The following CAMK1D variants were observed in gnomAD, a reference collection of about 807,000 sequenced individuals.
The protein encoded by CAMK1D is calcium/calmodulin-dependent protein kinase type 1D.
Under a neutral mutation model 47.7 loss-of-function variants are expected in CAMK1D, and 9 were observed. The ratio of observed to expected loss-of-function variants is 0.19; its 90% CI spans 0.11 to 0.33. CAMK1D has a LOEUF of 0.33. CAMK1D is among the 10% of genes least tolerant of loss of function. The probability of loss-of-function intolerance (pLI) is 1.00; values close to 1 mark genes in which losing one functional copy is unlikely to be tolerated. For missense variants in CAMK1D, 291 were observed against 488.7 expected, an observed-to-expected ratio of 0.60 and a Z score of 3.81; for synonymous variants, 184 against 184.9, an observed-to-expected ratio of 0.99 and a Z score of 0.04.
Position 12,812,351 on chromosome 10 carries a change from C to A in CAMK1D, c.642-1844C>A, listed in dbSNP as rs556851348. Among the ~76,000 whole-genome samples, 119 of 152,340 alleles carry A rather than the reference C, an allele frequency of 7.8e-4. 2 individuals carry two copies. Among genetic ancestry groups the A allele is most frequent in the African/African-American group, 2.9e-3 (119 of 41,580 alleles). ...CCACCATGGGCCGGGCTCAGTGGCT[C>A]ACACCTGTAATCCCAGCACTTTGGG... On this transcript the variant is annotated intron_variant, in intron 6 of 10. Coordinates refer to ENST00000619168, the MANE Select transcript of CAMK1D (RefSeq NM_153498.4).
intron 2 of CAMK1D, among the ~76,000 whole-genome samples, chr10:12,582,629 A>C (rs568795985): frequency 1.3e-5 from 2 of 152,010 alleles, no homozygotes; most frequent in African/African-American, 4.8e-5. Flanking sequence ...ATTTTTTTGC[A>C]GCTATTATAA....
At chr10:12,369,506 G>C (rs1393268692) in intron 1 of CAMK1D, among the ~76,000 whole-genome samples, 1 of 152,146 alleles carries the variant, frequency 6.6e-6, no homozygotes, top group Admixed American at 6.6e-5. Context: ...ATCGGGATGG[G>C]GGCTCAGGGA....
chr10:12,499,861 A>G (rs1040303511), intron 1 of CAMK1D, among the ~76,000 whole-genome samples: 1 of 152,166 alleles, frequency 6.6e-6, no homozygotes, highest in Non-Finnish European at 1.5e-5. Context: ...GCCATGGTCT[A>G]TTCAAGGAGA....
At chr10:12,566,334 A>G (rs1173723275) in intron 2 of CAMK1D, among the ~76,000 whole-genome samples, 2 of 152,078 alleles carry the variant, frequency 1.3e-5, no homozygotes, top group East Asian at 3.9e-4. Flanking sequence ...GAAATAGGAG[A>G]CAGAGGCAGC....
intron 10 of CAMK1D, among the ~76,000 whole-genome samples, chr10:12,826,781 C>T (rs1238399955): frequency 2.6e-5 from 4 of 152,242 alleles, no homozygotes; most frequent in African/African-American, 4.8e-5. Context: ...CCTGACATAC[C>T]ATAGCTCCCC....
At chr10:12,635,934 C>T (rs1409218733) in intron 2 of CAMK1D, among the ~76,000 whole-genome samples, 2 of 152,166 alleles carry the variant, frequency 1.3e-5, no homozygotes, top group African/African-American at 4.8e-5. Context: ...AGAAAACTAT[C>T]CTATTTAAAG....
At chr10:12,723,260 C>T (rs987167858) in intron 3 of CAMK1D, among the ~76,000 whole-genome samples, 8 of 152,046 alleles carry the variant, frequency 5.3e-5, no homozygotes, top group African/African-American at 9.7e-5. Flanking sequence ...ACGGTCTGAA[C>T]GGGAGAATTG....
chr10:12,805,299 G>C (rs1305171648), intron 6 of CAMK1D, among the ~76,000 whole-genome samples: 1 of 151,082 alleles, frequency 6.6e-6, no homozygotes, highest in Non-Finnish European at 1.5e-5. Flanking sequence ...TGTCCTTCAG[G>C]GACTTATTAC....
At chr10:12,600,815 C>G (rs967270937) in intron 2 of CAMK1D, among the ~76,000 whole-genome samples, 6 of 152,208 alleles carry the variant, frequency 3.9e-5, no homozygotes, top group South Asian at 2.1e-4. Context: ...GTGTGTTACT[C>G]CATTCTGTAT....
chr10:12,529,167 C>T (rs1347764008), intron 1 of CAMK1D, among the ~76,000 whole-genome samples: 2 of 152,046 alleles, frequency 1.3e-5, no homozygotes, highest in African/African-American at 4.8e-5. Flanking sequence ...GTCATAGCTG[C>T]ATTTGTAAGG....
intron 2 of CAMK1D, among the ~76,000 whole-genome samples, chr10:12,583,039 A>T (rs1214694032): frequency 1.3e-5 from 2 of 152,216 alleles, no homozygotes; most frequent in African/African-American, 4.8e-5. Flanking sequence ...GGAGTTGAGG[A>T]CCAGCCTAGG....
intron 3 of CAMK1D, among the ~76,000 whole-genome samples, chr10:12,731,065 G>T (rs1354125988): frequency 1.3e-5 from 2 of 152,154 alleles, no homozygotes; most frequent in Non-Finnish European, 2.9e-5. Context: ...GGTTTGGTTT[G>T]GTTTGGTTCG....
At chr10:12,464,120 T>TG (rs1833520924) in intron 1 of CAMK1D, among the ~76,000 whole-genome samples, 1 of 152,176 alleles carries the variant, frequency 6.6e-6, no homozygotes, top group Non-Finnish European at 1.5e-5. Context: ...CCTGCTTAGA[T>TG]GGGGTCTGAA....
At chr10:12,456,213 T>G (rs1392239051) in intron 1 of CAMK1D, among the ~76,000 whole-genome samples, 2 of 152,256 alleles carry the variant, frequency 1.3e-5, no homozygotes, top group African/African-American at 4.8e-5. Context: ...AAAATATTCA[T>G]TTATGTTTGA....
chr10:12,363,103 G>A (rs1331183488), intron 1 of CAMK1D, among the ~76,000 whole-genome samples: 1 of 151,476 alleles, frequency 6.6e-6, no homozygotes, highest in African/African-American at 2.4e-5. Flanking sequence ...AGCACACCCA[G>A]CTAATTTTTG....
At position 12,398,674 on chromosome 10, in the gene CAMK1D, T is replaced by A. The variant is rs117273410; in HGVS notation, c.92+48764T>A. On this transcript the variant is annotated intron_variant, in intron 1 of 10. Coordinates refer to ENST00000619168, the MANE Select transcript of CAMK1D (RefSeq NM_153498.4). ...CAAAAGTTGTTGTATTTAGTTATTG[T>A]GATGATGATTCTACATTTGAACAAA... is the stretch of plus-strand genomic sequence containing the variant. Among the ~76,000 whole-genome samples, 678 of 152,312 alleles carry A rather than the reference T, an allele frequency of 4.5e-3. 12 individuals are homozygous for A. In the East Asian group the frequency reaches 0.064, roughly 14 times the overall value.
At chr10:12,506,555 C>T (rs557825331) in intron 1 of CAMK1D, among the ~76,000 whole-genome samples, 7 of 152,002 alleles carry the variant, frequency 4.6e-5, no homozygotes, top group East Asian at 2.0e-4. Flanking sequence ...CTCGTTCTGT[C>T]GCCCAGACTC....
intron 3 of CAMK1D, among the ~76,000 whole-genome samples, chr10:12,737,492 CCTCTTTCCTCCGAGCTTTGGA>C (rs1835240418): frequency 6.6e-6 from 1 of 152,150 alleles, no homozygotes; most frequent in Non-Finnish European, 1.5e-5. Flanking sequence ...AGACCCCTGC[CCTCTTTCCTCCGAGCTTTGGA>C]GTCTGCTGTC....
chr10:12,533,745 T>A (rs1411665234), intron 1 of CAMK1D, among the ~76,000 whole-genome samples: 1 of 152,216 alleles, frequency 6.6e-6, no homozygotes, highest in African/African-American at 2.4e-5. Flanking sequence ...TGACATGGCA[T>A]AAATAGATTG....
Sources: allele counts gnomAD v4.1 joint callset (sites outside exome capture counted in the v4.1 genomes callset), GRCh38; gene constraint gnomAD v4.1.1; transcripts MANE v1.5; gene names NCBI Gene and HGNC (gene_info 2026-07-23, HGNC 2026-07-21).